STXBP5L: variants seen among roughly 807,000 people sequenced by gnomAD.
STXBP5L encodes syntaxin binding protein 5L.
A neutral mutation model predicts 144.5 loss-of-function variants in STXBP5L; 65 were observed. That is an observed-to-expected ratio of 0.45 (90% CI 0.37 to 0.55). STXBP5L has a LOEUF of 0.55. Ranked by LOEUF, STXBP5L falls within the 20% of genes least tolerant of loss-of-function variation. The probability of loss-of-function intolerance (pLI) is 0.00; values close to 1 mark genes in which losing one functional copy is unlikely to be tolerated. For missense variants in STXBP5L, 1,298 were observed against 1,405.5 expected (o/e 0.92, Z 1.22); for synonymous variants, 505 against 469.6 (o/e 1.08, Z -0.97).
intron 20 of STXBP5L, among the ~76,000 whole-genome samples, chr3:121,375,605 G>GT (rs2046158554): frequency 6.6e-6 from 1 of 152,172 alleles, no homozygotes; most frequent in South Asian, 2.1e-4. Flanking sequence ...GTTAAATGAG[G>GT]TAATGTGTAC....
At chr3:121,134,588 A>G (rs934887221) in intron 7 of STXBP5L, among the ~76,000 whole-genome samples, 3 of 150,254 alleles carry the variant, frequency 2.0e-5, no homozygotes, top group Admixed American at 6.6e-5. Flanking sequence ...CTGGTGTGTG[A>G]TGTTCCCCTT....
chr3:121,053,907 A>G lies in STXBP5L; in HGVS notation c.470+8372A>G, dbSNP rs531510278. Among the ~76,000 whole-genome samples, 97 of 152,248 alleles carry G rather than the reference A, an allele frequency of 6.4e-4. No homozygotes were observed. The Middle Eastern group carries it at 0.01, about 16-fold the overall frequency. On this transcript the variant is annotated intron_variant, in intron 5 of 26. Transcript: ENST00000471454. ...AAATTTACAAGAAAAAAAAACAAAC[A>G]ACCCCATCAAAAAGTGGGCAAAGGA...
chr3:121,044,893 T>A (rs1386448396), intron 4 of STXBP5L, among the ~76,000 whole-genome samples: 1 of 152,182 alleles, frequency 6.6e-6, no homozygotes, highest in Non-Finnish European at 1.5e-5. Context: ...TCTTTTATTA[T>A]GGATATTTCC....
intron 3 of STXBP5L, among the ~76,000 whole-genome samples, chr3:120,957,716 C>G (rs886442786): frequency 4.6e-5 from 7 of 151,980 alleles, no homozygotes; most frequent in African/African-American, 1.7e-4. Flanking sequence ...CCAACGAGAA[C>G]AAAGATACAA....
At chr3:121,170,150 G>A (rs539696403) in intron 9 of STXBP5L, among the ~76,000 whole-genome samples, 3 of 152,262 alleles carry the variant, frequency 2.0e-5, no homozygotes, top group Admixed American at 1.3e-4. Flanking sequence ...AAACCAATGA[G>A]AACAAAGACA....
At chr3:121,108,494 T>G (rs140205958) in intron 5 of STXBP5L, among the ~76,000 whole-genome samples, 2 of 152,172 alleles carry the variant, frequency 1.3e-5, no homozygotes, top group Non-Finnish European at 2.9e-5. Context: ...GTCTTTAGTT[T>G]TGTTTACATG....
chr3:120,982,420 C>T (rs1044958534), intron 3 of STXBP5L, among the ~76,000 whole-genome samples: 1 of 152,158 alleles, frequency 6.6e-6, no homozygotes, highest in Admixed American at 6.5e-5. Context: ...GTACTGAGCT[C>T]TCTGAAGGAG....
chr3:121,232,936 T>C (rs2049354541), intron 11 of STXBP5L, among the ~76,000 whole-genome samples: 1 of 152,146 alleles, frequency 6.6e-6, no homozygotes, highest in African/African-American at 2.4e-5. Flanking sequence ...CAGCCTACCA[T>C]GCAATGTATG....
chr3:121,324,585 G>C (rs1384214594), intron 20 of STXBP5L: 2 of 680,280 alleles, frequency 2.9e-6, no homozygotes, highest in African/African-American at 3.6e-5. Flanking sequence ...TCACTTGCCA[G>C]GTGAAGATGA....
chr3:121,041,455 A>G (rs1299843354), intron 3 of STXBP5L, among the ~76,000 whole-genome samples: 2 of 152,088 alleles, frequency 1.3e-5, no homozygotes, highest in Non-Finnish European at 2.9e-5. Flanking sequence ...TTCTTGTTTA[A>G]CTTCATGGAA....
At chr3:121,185,417 T>A (rs2047336222) in intron 9 of STXBP5L, among the ~76,000 whole-genome samples, 1 of 152,222 alleles carries the variant, frequency 6.6e-6, no homozygotes, top group African/African-American at 2.4e-5. Flanking sequence ...CTTCTAGGGT[T>A]TTTATGGTTT....
intron 3 of STXBP5L, among the ~76,000 whole-genome samples, chr3:120,986,888 T>A (rs1204069750): frequency 6.6e-6 from 1 of 151,912 alleles, no homozygotes; most frequent in Non-Finnish European, 1.5e-5. Flanking sequence ...TGAAAATTAT[T>A]GAGTCTAAAG....
At chr3:121,385,814 AT>A (rs1236182753) in intron 22 of STXBP5L, among the ~76,000 whole-genome samples, 1 of 152,108 alleles carries the variant, frequency 6.6e-6, no homozygotes, top group Admixed American at 6.6e-5. Flanking sequence ...CCAGCATTCA[AT>A]TCCATTAAAG....
intron 9 of STXBP5L, among the ~76,000 whole-genome samples, chr3:121,199,589 G>A: frequency 6.6e-6 from 1 of 152,158 alleles, no homozygotes; most frequent in East Asian, 1.9e-4. Context: ...TCCAGCTTTT[G>A]CACATTCAGT....
chr3:121,048,005 T>G (rs1478457103), intron 5 of STXBP5L, among the ~76,000 whole-genome samples: 1 of 152,172 alleles, frequency 6.6e-6, no homozygotes, highest in Non-Finnish European at 1.5e-5. Context: ...TTTCCATATT[T>G]AGCACTCCTT....
At chr3:121,286,680 A>G (rs538172614) in intron 19 of STXBP5L, among the ~76,000 whole-genome samples, 1 of 152,296 alleles carries the variant, frequency 6.6e-6, no homozygotes, top group South Asian at 2.1e-4. Context: ...ATAAATAGTC[A>G]AAGCTTTAGA....
intron 3 of STXBP5L, among the ~76,000 whole-genome samples, chr3:121,034,568 C>A (rs1480672583): frequency 2.0e-5 from 3 of 151,908 alleles, no homozygotes; most frequent in Non-Finnish European, 4.4e-5. Context: ...ATCCATCCAT[C>A]CATCCATCTA....
intron 3 of STXBP5L, among the ~76,000 whole-genome samples, chr3:120,976,319 A>G (rs956541591): frequency 7.9e-5 from 12 of 152,104 alleles, no homozygotes; most frequent in African/African-American, 1.9e-4. Context: ...TAGATTTTCT[A>G]GTTTATTTGT....
chr3:121,213,913 GT>G (rs1179512116), intron 10 of STXBP5L, among the ~76,000 whole-genome samples: 1 of 151,654 alleles, frequency 6.6e-6, no homozygotes, highest in Admixed American at 6.6e-5. Context: ...AGGGATTTGA[GT>G]TTTTCCTGGG....
Sources: allele counts gnomAD v4.1 joint callset (sites outside exome capture counted in the v4.1 genomes callset), GRCh38; gene constraint gnomAD v4.1.1; transcripts MANE v1.5; gene names NCBI Gene and HGNC (gene_info 2026-07-23, HGNC 2026-07-21).